DYNC1I1: variants seen among roughly 807,000 people sequenced by gnomAD.
DYNC1I1 encodes cytoplasmic dynein 1 intermediate chain 1.
A neutral mutation model predicts 86.6 loss-of-function variants in DYNC1I1; 43 were observed. That is an observed-to-expected ratio of 0.50 (90% confidence interval 0.39 to 0.64). The LOEUF (loss-of-function observed/expected upper bound fraction) is 0.64. DYNC1I1 is among the 30% of genes least tolerant of loss of function. DYNC1I1 has a pLI of 0.00. For missense variants in DYNC1I1, 604 were observed against 788.8 expected (o/e 0.77, Z 2.81); for synonymous variants, 262 against 283.7 (o/e 0.92, Z 0.77).
At chr7:95,798,798 G>A (rs1245013219) in intron 1 of DYNC1I1, among the ~76,000 whole-genome samples, 1 of 152,150 alleles carries the variant, frequency 6.6e-6, no homozygotes, top group South Asian at 2.1e-4. Flanking sequence ...TAAACCCTTT[G>A]CATCTCCTCT....
At chr7:96,053,653 A>G (rs772984989) in intron 14 of DYNC1I1, among the ~76,000 whole-genome samples, 1 of 152,240 alleles carries the variant, frequency 6.6e-6, no homozygotes, top group East Asian at 1.9e-4. Context: ...TCAGGAAAGT[A>G]TGTGTAGGCA....
At chr7:95,951,277 G>A (rs918461645) in intron 6 of DYNC1I1, among the ~76,000 whole-genome samples, 1 of 152,078 alleles carries the variant, frequency 6.6e-6, no homozygotes, top group Admixed American at 6.6e-5. Flanking sequence ...CCTTAATATA[G>A]CTTTGGCCTT....
At chr7:95,909,236 A>AGGGG (rs1476037005) in intron 6 of DYNC1I1, among the ~76,000 whole-genome samples, 1 of 3,754 alleles carries the variant, frequency 2.7e-4, no homozygotes, top group African/African-American at 1.3e-3. Context: ...GGAGGGTGGG[A>AGGGG]GGGGGGTGGG....
chr7:95,777,382 A>G (rs1793869648), intron 1 of DYNC1I1, among the ~76,000 whole-genome samples: 1 of 152,188 alleles, frequency 6.6e-6, no homozygotes, highest in Non-Finnish European at 1.5e-5. Flanking sequence ...TTCACTGCAA[A>G]GATGAATTTA....
At position 96,039,431 on chromosome 7, in the gene DYNC1I1, T is replaced by G; in HGVS notation, c.1509+10T>G. 1 of 1,613,854 alleles carries G rather than the reference T, an allele frequency of 6.2e-7. No individual in the cohort carries two copies. The highest frequency in any genetic ancestry group is 8.5e-7 in the Non-Finnish European group (1 of 1,179,864). Reference sequence around the variant, plus strand: ...ACTGTGGACCACCAAGGTAAGAATATCTTGACTGAAATTCTCAGATAATAC... The same window carrying G: ...ACTGTGGACCACCAAGGTAAGAATAGCTTGACTGAAATTCTCAGATAATAC... On this transcript the variant is annotated intron_variant, in intron 14 of 16. Coordinates refer to ENST00000447467, the MANE Select transcript of DYNC1I1 (RefSeq NM_001135556.2).
chr7:95,828,245 T>A lies in DYNC1I1; in HGVS notation c.374+129T>A, dbSNP rs1472621227. The A allele has an allele frequency of 5.0e-6, 5 of 991,542 alleles. No homozygotes were observed. In the African/African-American group the frequency reaches 6.4e-5, roughly 13 times the overall value. The allele number at this position is 991,542 out of a possible 1,614,324, so 61.4% of individuals were successfully genotyped here. The stretch of plus-strand genomic sequence containing the variant: ...TTCCAGTTTGATAAGTTCGTTTCCT[T>A]CTGTTGATTTTCCTTATAAAGCTTT... On this transcript the variant is annotated intron_variant, in intron 5 of 16. Coordinates refer to ENST00000447467, the MANE Select transcript of DYNC1I1 (RefSeq NM_001135556.2).
intron 6 of DYNC1I1, among the ~76,000 whole-genome samples, chr7:95,962,147 A>G (rs1336963632): frequency 8.5e-5 from 13 of 152,296 alleles, no homozygotes; most frequent in Middle Eastern, 3.4e-3. Flanking sequence ...AACCTAAAGG[A>G]TGTAGCTAGG....
chr7:95,848,844 A>C lies in DYNC1I1; in HGVS notation c.374+20728A>C, dbSNP rs1201276451. ...GCTATACTAATGTACATTACCACCA[A>C]CTGTGTGCAAGGATTCCCTTTTCTC... On this transcript the variant is annotated intron_variant, in intron 5 of 16. Transcript: ENST00000447467. 2.6e-5 allele frequency among the ~76,000 whole-genome samples: 4 copies of C among 152,020 alleles called. No individual in the cohort carries two copies. The East Asian group carries it at 7.7e-4, about 29-fold the overall frequency.
downstream of DYNC1I1, among the ~76,000 whole-genome samples, chr7:96,099,321 G>T (rs1322425037): frequency 1.3e-5 from 2 of 152,182 alleles, no homozygotes; most frequent in African/African-American, 2.4e-5. Context: ...CAATTCTTGT[G>T]CAGGCCATCC....
At chr7:95,926,866 G>A (rs1791759467) in intron 6 of DYNC1I1, among the ~76,000 whole-genome samples, 1 of 152,096 alleles carries the variant, frequency 6.6e-6, no homozygotes, top group African/African-American at 2.4e-5. Context: ...GACAGCACTT[G>A]TCGTCCCTCC....
At chr7:95,804,942 G>A (rs915727263) in intron 2 of DYNC1I1, 105 bp downstream of exon 2, 16 of 1,430,286 alleles carry the variant, frequency 1.1e-5, no homozygotes, top group Non-Finnish European at 1.5e-5. Context: ...ATCCTTTTAT[G>A]ATATCTGAAT....
At chr7:95,990,390 G>C (rs1248238786) in intron 9 of DYNC1I1, among the ~76,000 whole-genome samples, 2 of 152,090 alleles carry the variant, frequency 1.3e-5, no homozygotes, top group Non-Finnish European at 2.9e-5. Context: ...TGGCAACTCA[G>C]TTAGTTGCTA....
At chr7:95,847,014 A>G (rs915225402) in intron 5 of DYNC1I1, among the ~76,000 whole-genome samples, 4 of 152,164 alleles carry the variant, frequency 2.6e-5, no homozygotes, top group Admixed American at 2.0e-4. Context: ...AAAAGCCCTT[A>G]TCACAAACTC....
chr7:95,864,329 GC>G (rs1353457508), intron 5 of DYNC1I1, among the ~76,000 whole-genome samples: 1 of 152,192 alleles, frequency 6.6e-6, no homozygotes, highest in Non-Finnish European at 1.5e-5. Context: ...ATTGGACTAT[GC>G]TAGTGTTAAA....
intron 5 of DYNC1I1, among the ~76,000 whole-genome samples, chr7:95,848,197 G>C (rs975537655): frequency 7.1e-6 from 1 of 140,454 alleles, no homozygotes; most frequent in Non-Finnish European, 1.5e-5. Context: ...ACTGGTGTTT[G>C]ACTTACAGTT....
chr7:96,095,709 T>C (rs1317189152), intron 16 of DYNC1I1, among the ~76,000 whole-genome samples: 1 of 152,106 alleles, frequency 6.6e-6, no homozygotes, highest in Non-Finnish European at 1.5e-5. Flanking sequence ...AAAGAAATAG[T>C]GGTCCTATTC....
At chr7:96,018,526 G>C (rs1417783942) in intron 10 of DYNC1I1, among the ~76,000 whole-genome samples, 1 of 152,154 alleles carries the variant, frequency 6.6e-6, no homozygotes, top group East Asian at 1.9e-4. Context: ...CTGGCCGCAA[G>C]TAAATAGCCA....
At chr7:96,000,336 G>A (rs545998384) in intron 10 of DYNC1I1, among the ~76,000 whole-genome samples, 4 of 152,196 alleles carry the variant, frequency 2.6e-5, no homozygotes, top group Admixed American at 2.6e-4. Flanking sequence ...CTCAGGATGG[G>A]AAAACAGAAG....
chr7:96,075,657 C>T (rs1488812079), intron 14 of DYNC1I1, among the ~76,000 whole-genome samples: 1 of 152,176 alleles, frequency 6.6e-6, no homozygotes, highest in East Asian at 1.9e-4. Context: ...CGGTCGGGAC[C>T]GCCGGGGCTT....
Sources: gnomAD v4.1 joint callset for allele counts (sites outside exome capture counted in the v4.1 genomes callset) on GRCh38, gnomAD v4.1.1 for gene constraint, MANE v1.5 for transcripts, NCBI Gene and HGNC (gene_info 2026-07-23, HGNC 2026-07-21) for gene names.